The following RAB27B variants were observed in gnomAD, a reference collection of about 807,000 sequenced individuals.
RAB27B encodes the protein RAB27B, member RAS oncogene family, also known as ras-related protein Rab-27B.
In RAB27B, 15 loss-of-function variants were observed where a neutral mutation model predicts 24.6. That is an observed-to-expected ratio of 0.61 (90% CI 0.41 to 0.94). RAB27B has a LOEUF of 0.94. Among genes scored for constraint, RAB27B ranks in the 40% least tolerant of loss-of-function variants. The probability of loss-of-function intolerance (pLI) is 0.00; values close to 1 mark genes in which losing one functional copy is unlikely to be tolerated. For synonymous variants in RAB27B, 105 were observed against 92.5 expected (o/e 1.14, Z -0.78); for missense variants, 261 against 266.8 (o/e 0.98, Z 0.15).
chr18:54,824,069 T>A (rs559439367), upstream of RAB27B, among the ~76,000 whole-genome samples: 1 of 152,308 alleles, frequency 6.6e-6, no homozygotes, highest in South Asian at 2.1e-4. Flanking sequence ...TTTGTTATGA[T>A]GATTGAGGGT....
chr18:54,737,754 T>G (rs1909942472), intron 2 of RAB27B, among the ~76,000 whole-genome samples: 4 of 152,164 alleles, frequency 2.6e-5, no homozygotes, highest in Admixed American at 2.6e-4. Flanking sequence ...ATAAATGAAT[T>G]TTTCACTTCA....
chr18:54,736,276 C>T (rs758456138), intron 2 of RAB27B, among the ~76,000 whole-genome samples: 8 of 152,102 alleles, frequency 5.3e-5, no homozygotes, highest in Non-Finnish European at 8.8e-5. Context: ...AAGTAACTTT[C>T]GTATTCAATA....
intron 3 of RAB27B, 137 bp from the exon 4 acceptor site, chr18:54,884,196 C>G (rs1913037855): frequency 1.8e-6 from 1 of 554,978 alleles, no homozygotes; most frequent in African/African-American, 1.9e-5. Context: ...TTTCTCTGCC[C>G]ACATTCCCAT....
At chr18:54,854,042 T>G (rs1911687715) in intron 1 of RAB27B, among the ~76,000 whole-genome samples, 1 of 152,208 alleles carries the variant, frequency 6.6e-6, no homozygotes, top group South Asian at 2.1e-4. Flanking sequence ...ACTTTAGTTT[T>G]AGGGATTAGT....
chr18:54,754,629 A>G (rs1217341916), intron 2 of RAB27B, among the ~76,000 whole-genome samples: 3 of 152,208 alleles, frequency 2.0e-5, no homozygotes, highest in African/African-American at 7.2e-5. Context: ...TTGTCTACGT[A>G]AAGGTAAACT....
intron 1 of RAB27B, among the ~76,000 whole-genome samples, chr18:54,851,466 C>G (rs1911585416): frequency 6.6e-6 from 1 of 151,950 alleles, no homozygotes; most frequent in Non-Finnish European, 1.5e-5. Flanking sequence ...ATTCTTTTCC[C>G]TTTTTTTGCA....
intron 2 of RAB27B, among the ~76,000 whole-genome samples, chr18:54,780,982 G>A (rs1230601072): frequency 6.6e-6 from 1 of 152,136 alleles, no homozygotes; most frequent in African/African-American, 2.4e-5. Flanking sequence ...TGCGGGTCTG[G>A]GAGAAGTACT....
chr18:54,765,313 A>G (rs779494835), intron 2 of RAB27B, among the ~76,000 whole-genome samples: 64 of 152,100 alleles, frequency 4.2e-4, no homozygotes, highest in Non-Finnish European at 1.9e-4. Flanking sequence ...TTAATTTCCC[A>G]TTCCCTGGAG....
intron 1 of RAB27B, among the ~76,000 whole-genome samples, chr18:54,836,778 T>G (rs1468476483): frequency 6.6e-6 from 1 of 151,926 alleles, no homozygotes; most frequent in African/African-American, 2.4e-5. Flanking sequence ...ACATGCATTG[T>G]GCATAGTCAC....
At chr18:54,719,865 A>T in intron 2 of RAB27B, among the ~76,000 whole-genome samples, 1 of 152,094 alleles carries the variant, frequency 6.6e-6, no homozygotes, top group African/African-American at 2.4e-5. Flanking sequence ...TCATATAATG[A>T]TTTGCAGCCT....
chr18:54,874,187 T>A (rs1489513247), intron 1 of RAB27B, among the ~76,000 whole-genome samples: 1 of 152,188 alleles, frequency 6.6e-6, no homozygotes, highest in East Asian at 1.9e-4. Context: ...TAATCTCCCA[T>A]GCTATGGTCC....
At chr18:54,877,841 G>T in intron 2 of RAB27B, 103 bp downstream of exon 2, 2 of 1,176,860 alleles carry the variant, frequency 1.7e-6, no homozygotes, top group Non-Finnish European at 2.3e-6. Context: ...TTTGTCACAC[G>T]AAATTCATAA....
At chr18:54,761,281 T>G (rs1908180933) in intron 2 of RAB27B, among the ~76,000 whole-genome samples, 1 of 152,096 alleles carries the variant, frequency 6.6e-6, no homozygotes, top group Non-Finnish European at 1.5e-5. Context: ...TTTCCTTCCC[T>G]AAAAAGAAAT....
rs531882819 is a variant in RAB27B, at chr18:54,802,430, G to T, written c.-19-75137G>T. Reference sequence around the variant, plus strand: ...GTATCTGGTATGTGGTGATTTAAGAGTCAACGTTTTTCTAGGACTTGTTGC... The same window carrying T: ...GTATCTGGTATGTGGTGATTTAAGATTCAACGTTTTTCTAGGACTTGTTGC... On this transcript the variant is annotated intron_variant, in intron 2 of 4. Transcript: ENST00000586570. Among the ~76,000 whole-genome samples, 171 of 152,250 alleles carry T rather than the reference G, an allele frequency of 1.1e-3. 3 individuals carry two copies. In the South Asian group the frequency reaches 0.03, roughly 27 times the overall value.
chr18:54,783,481 T>TTGTGTGTGTG (rs34288200), intron 2 of RAB27B, among the ~76,000 whole-genome samples: 99 of 149,782 alleles, frequency 6.6e-4, no homozygotes, highest in Admixed American at 2.1e-3. Context: ...GCCTATGGCT[T>TTGTGTGTGTG]TGTGTGTGTG....
At chr18:54,801,021 T>TTTTTTG (rs1555657500) in intron 2 of RAB27B, among the ~76,000 whole-genome samples, 17 of 144,738 alleles carry the variant, frequency 1.2e-4, no homozygotes, top group Admixed American at 8.9e-4. Flanking sequence ...TTTTTTTTTT[T>TTTTTTG]TTTTTTTTTT....
At position 54,834,681 on chromosome 18, in the gene RAB27B, A is replaced by ATATGTG. The variant is rs5825093; in HGVS notation, c.-20+5982_-20+5983insATGTGT. On this transcript the variant is annotated intron_variant, in intron 1 of 5. Transcript: ENST00000262094. ...AATCTGTGTGCATAAGTGTATATATATGTGTGTGTGTGTGTGTGCATGTAT... is the reference window on the plus strand; with the variant it reads ...AATCTGTGTGCATAAGTGTATATATATATGTGTGTGTGTGTGTGTGTGTGCATGTAT... Among the ~76,000 whole-genome samples the ATATGTG allele has an allele frequency of 8.8e-3, 1,328 of 150,118 alleles. 21 individuals carry two copies. The highest frequency in any genetic ancestry group is 0.029 in the African/African-American group (1,170 of 40,776).
At chr18:54,728,232 T>C (rs1164736005) in intron 2 of RAB27B, among the ~76,000 whole-genome samples, 1 of 152,162 alleles carries the variant, frequency 6.6e-6, no homozygotes, top group African/African-American at 2.4e-5. Context: ...GTGGGGAGGC[T>C]ACAGAAAAGC....
At chr18:54,807,345 T>C (rs1342838822) in intron 2 of RAB27B, among the ~76,000 whole-genome samples, 4 of 152,218 alleles carry the variant, frequency 2.6e-5, no homozygotes, top group Non-Finnish European at 5.9e-5. Context: ...TGCATGTCTT[T>C]ATGGGCACTG....
Sources: gnomAD v4.1 joint callset for allele counts (sites outside exome capture counted in the v4.1 genomes callset) on GRCh38, gnomAD v4.1.1 for gene constraint, MANE v1.5 for transcripts, NCBI Gene and HGNC (gene_info 2026-07-23, HGNC 2026-07-21) for gene names.